The following AVEN variants were observed in gnomAD, a reference collection of about 807,000 sequenced individuals.
AVEN encodes apoptosis and caspase activation inhibitor, also known as cell death regulator Aven.
Under a neutral mutation model 38.1 loss-of-function variants are expected in AVEN, and 41 were observed. The observed-to-expected ratio is 1.08, with a 90% CI of 0.84 to 1.40. The LOEUF is 1.40. AVEN is among the 40% of genes most tolerant of loss of function. The probability of loss-of-function intolerance (pLI) is 0.00; values close to 1 mark genes in which losing one functional copy is unlikely to be tolerated. For missense variants in AVEN, 605 were observed against 438.8 expected (o/e 1.38, Z -3.38); for synonymous variants, 206 against 171.8 (o/e 1.20, Z -1.56).
downstream of AVEN, among the ~76,000 whole-genome samples, chr15:33,855,228 C>T (rs1234916503): frequency 1.3e-5 from 2 of 151,302 alleles, no homozygotes; most frequent in South Asian, 2.1e-4. Context: ...GACGGTGTCT[C>T]GCTGTGTAGC....
intron 5 of AVEN, among the ~76,000 whole-genome samples, chr15:34,052,587 T>G (rs1899967467): frequency 6.6e-6 from 1 of 152,232 alleles, no homozygotes; most frequent in Non-Finnish European, 1.5e-5. Flanking sequence ...TAATTCTATG[T>G]CCAGAAAGCT....
chr15:33,980,604 C>G (rs1357683055), intron 2 of AVEN, among the ~76,000 whole-genome samples: 1 of 99,192 alleles, frequency 1.0e-5, no homozygotes. Context: ...GCCTTGGGCA[C>G]TACAGTAGGT....
At chr15:33,914,581 C>T (rs1436178056) in intron 2 of AVEN, among the ~76,000 whole-genome samples, 4 of 149,956 alleles carry the variant, frequency 2.7e-5, no homozygotes, top group Non-Finnish European at 5.9e-5. Flanking sequence ...TCCTTTTTAA[C>T]AGGCATATAG....
intron 1 of AVEN, among the ~76,000 whole-genome samples, chr15:34,003,652 T>G (rs1419737242): frequency 1.3e-5 from 2 of 152,214 alleles, no homozygotes; most frequent in African/African-American, 2.4e-5. Flanking sequence ...AATGAAAGTA[T>G]GACATTATTT....
downstream of AVEN, chr15:33,857,962 C>G (rs984644629): frequency 1.9e-6 from 3 of 1,605,808 alleles, no homozygotes; most frequent in Non-Finnish European, 2.5e-6. Context: ...GCGGGGCCAC[C>G]CCGCCCCACC....
intron 2 of AVEN, among the ~76,000 whole-genome samples, chr15:33,956,532 T>C (rs1894960078): frequency 6.6e-6 from 1 of 152,158 alleles, no homozygotes; most frequent in Non-Finnish European, 1.5e-5. Flanking sequence ...ATAGGGTTGT[T>C]AAAACACATC....
Position 34,063,526 on chromosome 15 carries a change from C to G in AVEN, n.1127-94G>C, listed in dbSNP as rs1345518801. ...GCCCAGCGGGAAAGGAACCAGGCCT[C>G]CTGGTCATCCTCCCGCAGGAGCACC... On this transcript the variant is annotated intron_variant and non_coding_transcript_variant, in intron 4 of 11. Coordinates refer to the AVEN transcript ENST00000675287. This position sits in a 1 kb window ranked among gnomAD's most constrained non-coding sequence, Gnocchi z 4.1. 1 of 1,613,718 alleles carries G rather than the reference C, an allele frequency of 6.2e-7. No individual in the cohort carries two copies. Among genetic ancestry groups the G allele is most frequent in the Non-Finnish European group, 8.5e-7 (1 of 1,180,048 alleles).
At chr15:33,962,245 A>G (rs1022758064) in intron 2 of AVEN, among the ~76,000 whole-genome samples, 1 of 152,234 alleles carries the variant, frequency 6.6e-6, no homozygotes, top group Non-Finnish European at 1.5e-5. Flanking sequence ...ACATATGTCA[A>G]TTGTAAAGTA....
At chr15:33,916,411 G>C (rs755013470) in intron 2 of AVEN, among the ~76,000 whole-genome samples, 3 of 152,174 alleles carry the variant, frequency 2.0e-5, no homozygotes, top group South Asian at 2.1e-4. Flanking sequence ...TGGGTGGCTA[G>C]AGTGGGGAAA....
chr15:33,903,419 CCA>C (rs1892566517), intron 2 of AVEN, among the ~76,000 whole-genome samples: 1 of 152,186 alleles, frequency 6.6e-6, no homozygotes, highest in Non-Finnish European at 1.5e-5. Context: ...CTGGGCGCTC[CCA>C]GAGAGGTTGT....
intron 5 of AVEN, among the ~76,000 whole-genome samples, chr15:34,045,476 C>A (rs1391053884): frequency 6.6e-6 from 1 of 152,224 alleles, no homozygotes; most frequent in Non-Finnish European, 1.5e-5. Context: ...AGTCCTTCCT[C>A]ATATCTAACA....
At chr15:33,858,091 G>GA, downstream of AVEN, 1 of 850,142 alleles carries the variant, frequency 1.2e-6, no homozygotes, top group Non-Finnish European at 1.8e-6. Flanking sequence ...GAGTGTCCTG[G>GA]GAAGACAGAA....
chr15:34,012,758 G>A (rs1002761877), intron 1 of AVEN, among the ~76,000 whole-genome samples: 2 of 152,196 alleles, frequency 1.3e-5, no homozygotes, highest in African/African-American at 2.4e-5. Context: ...ACTTTAACAA[G>A]TAAAGCATTA....
At chr15:33,863,776 A>C (rs1266120460), downstream of AVEN, among the ~76,000 whole-genome samples, 1 of 152,230 alleles carries the variant, frequency 6.6e-6, no homozygotes, top group Non-Finnish European at 1.5e-5. Context: ...TTTTTATGAG[A>C]TGATAAATGG....
intron 2 of AVEN, among the ~76,000 whole-genome samples, chr15:33,959,510 G>A (rs1017792236): frequency 5.3e-5 from 8 of 151,886 alleles, no homozygotes; most frequent in South Asian, 2.1e-4. Flanking sequence ...ATAGCCCTCC[G>A]AGCACCACAC....
chr15:33,999,785 T>C (rs1897068623), intron 2 of AVEN, among the ~76,000 whole-genome samples: 1 of 152,174 alleles, frequency 6.6e-6, no homozygotes, highest in Non-Finnish European at 1.5e-5. Context: ...TCCTAACTAG[T>C]CTACCCGCTC....
intron 2 of AVEN, among the ~76,000 whole-genome samples, chr15:33,964,106 T>TA (rs35355454): frequency 0.78 from 113,232 of 145,266 alleles, 49,954 homozygotes; most frequent in Non-Finnish European, 0.97. Context: ...AGTCCTTACT[T>TA]AAAAAAAAAA....
downstream of AVEN, among the ~76,000 whole-genome samples, chr15:33,855,673 G>C (rs1168283798): frequency 2.0e-5 from 3 of 150,708 alleles, no homozygotes; most frequent in Non-Finnish European, 4.4e-5. Flanking sequence ...AATGATTTCA[G>C]ATACACACAC....
chr15:33,997,615 G>C (rs540991853), intron 2 of AVEN, among the ~76,000 whole-genome samples: 5 of 152,138 alleles, frequency 3.3e-5, no homozygotes, highest in Non-Finnish European at 7.4e-5. Context: ...TTCTCAAGAA[G>C]GTCAATAATC....
Sources: gnomAD v4.1 joint callset for allele counts (sites outside exome capture counted in the v4.1 genomes callset) on GRCh38, gnomAD v4.1.1 for gene constraint, Gnocchi (gnomAD v3.1) non-coding constraint, MANE v1.5 for transcripts, NCBI Gene and HGNC (gene_info 2026-07-23, HGNC 2026-07-21) for gene names.